Variants in NRXN2 observed in about 807,000 individuals in gnomAD.
NRXN2 encodes neurexin-2-beta.
A neutral mutation model predicts 128.8 loss-of-function variants in NRXN2; 29 were observed. The ratio of observed to expected loss-of-function variants is 0.23; its 90% CI spans 0.17 to 0.31. The LOEUF is 0.31. Ranked by LOEUF, NRXN2 falls within the 10% of genes least tolerant of loss-of-function variation. NRXN2 has a pLI of 1.00. For missense variants in NRXN2, 1,881 were observed against 2,452.6 expected (o/e 0.77, Z 4.92); for synonymous variants, 1,098 against 1,075.2 (o/e 1.02, Z -0.41).
chr11:64,650,719 C>T, intron 14 of NRXN2, 81 bp from the exon 15 acceptor site: 1 of 1,380,254 alleles, frequency 7.2e-7, no homozygotes. Context: ...CTATGGCTGG[C>T]AGGGGTCCTA....
chr11:64,714,845 G>A lies in NRXN2; in HGVS notation c.-244-902C>T, dbSNP rs780238237. On this transcript the variant is annotated intron_variant, in intron 1 of 22. Transcript: ENST00000265459. The surrounding 1 kb of genome is among the most constrained non-coding windows in gnomAD (Gnocchi z 4.5). ...TACCCTTGTAACGGGCTGTCAGAGA[G>A]CAATTTATACCCCACGCCGGGGAGG... Among the ~76,000 whole-genome samples the A allele has an allele frequency of 2.0e-4, 30 of 152,178 alleles. No individual in the cohort carries two copies. Among genetic ancestry groups the A allele is most frequent in the Non-Finnish European group, 1.9e-4 (13 of 68,046 alleles).
At chr11:64,621,436 C>T (rs1438880092) in intron 21 of NRXN2, among the ~76,000 whole-genome samples, 1 of 152,192 alleles carries the variant, frequency 6.6e-6, no homozygotes, top group Non-Finnish European at 1.5e-5. Flanking sequence ...GGGCTCCCTG[C>T]TCCCTCGGGG....
chr11:64,643,148 AG>A, intron 17 of NRXN2: 1 of 911,866 alleles, frequency 1.1e-6, no homozygotes, highest in Non-Finnish European at 1.3e-6. Context: ...GTGGAGAGGG[AG>A]GGGAGCGCGG....
chr11:64,654,045 C>T (rs1273271989), intron 11 of NRXN2, among the ~76,000 whole-genome samples: 1 of 152,168 alleles, frequency 6.6e-6, no homozygotes, highest in African/African-American at 2.4e-5. Context: ...GAATCCCAGT[C>T]GTACAGGGGA....
At chr11:64,679,985 T>C (rs1448247008) in intron 6 of NRXN2, among the ~76,000 whole-genome samples, 1 of 152,110 alleles carries the variant, frequency 6.6e-6, no homozygotes, top group Admixed American at 6.5e-5. Context: ...AAAGGCTTTA[T>C]CCCACTCATA....
chr11:64,615,665 G>A (rs1399963352), intron 22 of NRXN2, among the ~76,000 whole-genome samples: 2 of 152,224 alleles, frequency 1.3e-5, no homozygotes, highest in Non-Finnish European at 1.5e-5. Flanking sequence ...GTACTTACCT[G>A]AGTGGGAGCA....
At chr11:64,703,314 G>T (rs1480140739) in intron 2 of NRXN2, among the ~76,000 whole-genome samples, 1 of 152,092 alleles carries the variant, frequency 6.6e-6, no homozygotes, top group Non-Finnish European at 1.5e-5. Context: ...GAGCACTTAG[G>T]GTGTGCCTGG....
intron 5 of NRXN2, among the ~76,000 whole-genome samples, chr11:64,689,699 T>C (rs778589461): frequency 3.3e-5 from 5 of 152,204 alleles, no homozygotes; most frequent in Non-Finnish European, 7.3e-5. Context: ...CAGGTTCACC[T>C]GGGGTGTTCA....
At chr11:64,661,309 C>T (rs1362491610) in intron 9 of NRXN2, 170 bp from the exon 10 acceptor site, 1 of 1,488,142 alleles carries the variant, frequency 6.7e-7, no homozygotes, top group Non-Finnish European at 8.9e-7. Flanking sequence ...TCACTCACTG[C>T]AAAAACTGCT....
At position 64,635,549 on chromosome 11, in the gene NRXN2, T is replaced by C; in HGVS notation, c.3404-97A>G. 7 of 1,339,392 alleles carry C rather than the reference T, an allele frequency of 5.2e-6. No homozygotes were observed. Among genetic ancestry groups the C allele is most frequent in the Non-Finnish European group, 7.3e-6 (7 of 958,610 alleles). The allele number at this position is 1,339,392 out of a possible 1,614,324, so 83.0% of individuals were successfully genotyped here. On this transcript the variant is annotated intron_variant, in intron 17 of 22. Transcript: ENST00000265459. The surrounding 1 kb of genome is among the most constrained non-coding windows in gnomAD (Gnocchi z 4.8). ...GTGACCAGAGGGATGGAACCCCAGG[T>C]CTAGATGTGGGACTTCAGCTGTGAT...
chr11:64,663,145 G>C (rs2049292117), intron 9 of NRXN2, among the ~76,000 whole-genome samples: 1 of 152,070 alleles, frequency 6.6e-6, no homozygotes, highest in Non-Finnish European at 1.5e-5. Flanking sequence ...TGAGGCAGGA[G>C]GATCGCCTGA....
intron 1 of NRXN2, among the ~76,000 whole-genome samples, chr11:64,720,211 C>T (rs1244220423): frequency 6.6e-6 from 1 of 152,226 alleles, no homozygotes; most frequent in African/African-American, 2.4e-5. Flanking sequence ...TCGTAAATAA[C>T]AAGGTGCCAC....
chr11:64,713,523 G>C lies in NRXN2; in HGVS notation c.177C>G (p.Thr59=). 1.3e-6 allele frequency: 2 copies of C among 1,508,692 alleles called. No homozygotes were observed. Among genetic ancestry groups the C allele is most frequent in the Non-Finnish European group, 1.8e-6 (2 of 1,136,530 alleles). The allele number at this position is 1,508,692 out of a possible 1,614,324, so 93.5% of individuals were successfully genotyped here. The change falls in exon 2 of 23, where the codon ACC becomes ACG. Residue 59 remains threonine, a synonymous_variant. Coordinates refer to ENST00000265459, the MANE Select transcript of NRXN2 (RefSeq NM_015080.4). ...AGAGCAGCAGCGCGCGCGTGGCGTT[G>C]GTGCGCAGGCTGAAGCTGAGCTCGC... is the stretch of plus-strand genomic sequence containing the variant. ...SSGELSFSLR[T]NATRALLLYL...
chr11:64,644,385 G>A (rs1300218303), intron 17 of NRXN2, among the ~76,000 whole-genome samples: 1 of 151,516 alleles, frequency 6.6e-6, no homozygotes, highest in Non-Finnish European at 1.5e-5. Context: ...CACTACCACT[G>A]CCCCTCCCCC....
Position 64,648,331 on chromosome 11 carries a change from G to T in NRXN2, c.3291C>A (p.Ser1097Arg), listed in dbSNP as rs1451611092. The T allele has an allele frequency of 6.2e-7, 1 of 1,614,118 alleles. No individual in the cohort carries two copies. Among genetic ancestry groups the T allele is most frequent in the Non-Finnish European group, 8.5e-7 (1 of 1,180,054 alleles). ...CACAGGACTCTTCAGTGCAGGTGGT[G>T]CTGGGGCCTGGAAGGGGCAGGAGAA... ...GQVERGCDGP[S>R]TTCTEESCAN... Residue 1097 changes from serine to arginine, a missense_variant, in exon 17 of 23, where the codon AGC (serine) becomes AGA (arginine). Around this residue, in one of 7 missense-constraint regions of NRXN2, gnomAD observed 390 missense variants for 599.6 expected, o/e 0.65. Coordinates refer to ENST00000265459, the MANE Select transcript of NRXN2 (RefSeq NM_015080.4). The surrounding 1 kb of genome is among the most constrained non-coding windows in gnomAD (Gnocchi z 4.1).
chr11:64,611,414 G>C (rs2040620506), intron 22 of NRXN2, among the ~76,000 whole-genome samples: 1 of 152,222 alleles, frequency 6.6e-6, no homozygotes, highest in African/African-American at 2.4e-5. Context: ...TCAAGGCTTG[G>C]CCTAAGCTGG....
intron 3 of NRXN2, among the ~76,000 whole-genome samples, chr11:64,694,989 G>A (rs2957563): frequency 0.031 from 4,735 of 152,210 alleles, 255 homozygotes; most frequent in African/African-American, 0.11. Flanking sequence ...GTTAGCATTC[G>A]GCAGTCTCCC....
chr11:64,657,127 TTC>T (rs2048388737), intron 11 of NRXN2, among the ~76,000 whole-genome samples: 1 of 152,284 alleles, frequency 6.6e-6, no homozygotes, highest in South Asian at 2.1e-4. Flanking sequence ...CTCACCAGGC[TTC>T]TCTCTCTTCC....
intron 9 of NRXN2, among the ~76,000 whole-genome samples, chr11:64,666,292 C>G (rs1161329311): frequency 6.6e-6 from 1 of 151,548 alleles, no homozygotes; most frequent in Non-Finnish European, 1.5e-5. Flanking sequence ...ACCTCTGCCT[C>G]CTGGGTTCAA....
Sources: gnomAD v4.1 joint callset for allele counts (sites outside exome capture counted in the v4.1 genomes callset) on GRCh38, gnomAD v4.1.1 for gene constraint, gnomAD v4.1.1 regional missense constraint, Gnocchi (gnomAD v3.1) non-coding constraint, MANE v1.5 for transcripts, NCBI Gene and HGNC (gene_info 2026-07-23, HGNC 2026-07-21) for gene names.